ZNF274: variants seen among roughly 807,000 people sequenced by gnomAD.
The protein encoded by ZNF274 is neurotrophin receptor-interacting factor homolog.
A neutral mutation model predicts 42.5 loss-of-function variants in ZNF274; 23 were observed. That is an observed-to-expected ratio of 0.54 (90% CI 0.39 to 0.77). ZNF274 has a LOEUF of 0.77. Among genes scored for constraint, ZNF274 ranks in the 30% least tolerant of loss-of-function variants. The pLI, the probability that ZNF274 is intolerant of heterozygous loss-of-function variation, is 0.00. For synonymous variants in ZNF274, 292 were observed against 305.4 expected, an observed-to-expected ratio of 0.96 and a Z score of 0.46; for missense variants, 679 against 806.5, an observed-to-expected ratio of 0.84 and a Z score of 1.91.
intron 4 of ZNF274, among the ~76,000 whole-genome samples, chr19:58,187,604 G>A (rs577430926): frequency 6.6e-6 from 1 of 152,182 alleles, no homozygotes; most frequent in Admixed American, 6.5e-5. Flanking sequence ...TTTTTGTAGA[G>A]ACAGTGTTTC....
rs956660256 is a variant in ZNF274, at chr19:58,208,618, CT to C, written c.740-1342del. On this transcript the variant is annotated intron_variant, in intron 5 of 7. Transcript: ENST00000617501. The surrounding 1 kb of genome is among the most constrained non-coding windows in gnomAD (Gnocchi z 4.5). ...ATAAGCCAAATGTTTGGGGCAGCCT[CT>C]AGAAGCTGGAAAAGGCAAGGAATGG... is the stretch of plus-strand genomic sequence containing the variant. 6.6e-6 allele frequency: 1 copy of C among 152,214 alleles called. No individual in the cohort carries two copies. Among genetic ancestry groups the C allele is most frequent in the Non-Finnish European group, 1.5e-5 (1 of 68,060 alleles). 9.4% of individuals were successfully genotyped at this position (152,214 alleles called of 1,614,324 possible).
At position 58,197,321 on chromosome 19, in the gene ZNF274, T is replaced by G. The variant is rs564592275; in HGVS notation, c.257-9399T>G. Among the ~76,000 whole-genome samples, 106 of 152,306 alleles carry G rather than the reference T, an allele frequency of 7.0e-4. 1 individual carries two copies. Among genetic ancestry groups the G allele is most frequent in the African/African-American group, 2.5e-3 (104 of 41,562 alleles). Reference sequence around the variant, plus strand: ...CAAATGACCAGCCTTAACTCTCACCTTATGTGACAGAACGAAAAAAATATA... The same window carrying G: ...CAAATGACCAGCCTTAACTCTCACCGTATGTGACAGAACGAAAAAAATATA... On this transcript the variant is annotated intron_variant, in intron 4 of 7. Coordinates refer to ENST00000617501, the MANE Select transcript of ZNF274 (RefSeq NM_133502.3).
At chr19:58,209,323 T>C (rs1477498168) in intron 5 of ZNF274, 1 of 152,288 alleles carries the variant, frequency 6.6e-6, no homozygotes, top group African/African-American at 2.4e-5. Context: ...GCCTAAGTCA[T>C]CTTGTGGCCC....
chr19:58,185,422 A>C (rs575819013), intron 2 of ZNF274: 1 of 152,848 alleles, frequency 6.5e-6, no homozygotes, highest in African/African-American at 2.4e-5. Flanking sequence ...ACTCTGTCTC[A>C]AAACAATAAA....
At chr19:58,184,059 T>G (rs1600126829) in intron 2 of ZNF274, 61 bp downstream of exon 2, 1 of 1,542,124 alleles carries the variant, frequency 6.5e-7, no homozygotes. Context: ...ATGCGGATGG[T>G]GGTGAGATAC....
chr19:58,190,273 G>A (rs1410620200), intron 4 of ZNF274, among the ~76,000 whole-genome samples: 2 of 150,426 alleles, frequency 1.3e-5, no homozygotes, highest in Non-Finnish European at 2.9e-5. Flanking sequence ...TCAGCCTCCT[G>A]AGTAGCTGGG....
Position 58,192,796 on chromosome 19 carries a change from G to A in ZNF274, c.256+5754G>A, listed in dbSNP as rs193059035. Among the ~76,000 whole-genome samples the A allele has an allele frequency of 1.8e-4, 28 of 152,268 alleles. No individual in the cohort carries two copies. In the East Asian group the frequency reaches 4.6e-3, roughly 25 times the overall value. ...CACTCTATGTATCACCCAGGCTGAC[G>A]TGTAGTGGCATGATCATGGCTCACT... On this transcript the variant is annotated intron_variant, in intron 4 of 7. Coordinates refer to ENST00000617501, the MANE Select transcript of ZNF274 (RefSeq NM_133502.3).
chr19:58,195,016 T>TAATA (rs138373309), intron 4 of ZNF274, among the ~76,000 whole-genome samples: 111 of 148,034 alleles, frequency 7.5e-4, no homozygotes, highest in East Asian at 4.8e-3. Flanking sequence ...ATAATAATAA[T>TAATA]AATAAATAAA....
At chr19:58,183,557 C>G (rs538424723) in intron 1 of ZNF274, 115 bp downstream of exon 1, 1 of 176,070 alleles carries the variant, frequency 5.7e-6, no homozygotes, top group African/African-American at 2.4e-5. Context: ...TACCCTGAGC[C>G]GGCCGTGCCT....
intron 4 of ZNF274, among the ~76,000 whole-genome samples, chr19:58,189,931 T>C (rs2075758623): frequency 6.6e-6 from 1 of 151,854 alleles, no homozygotes; most frequent in Non-Finnish European, 1.5e-5. Flanking sequence ...GAGACCATTC[T>C]GGCCAACATG....
chr19:58,207,297 T>C lies in ZNF274; in HGVS notation c.739+95T>C. 6.8e-7 allele frequency: 1 copy of C among 1,470,996 alleles called. No individual in the cohort carries two copies. Among genetic ancestry groups the C allele is most frequent in the Non-Finnish European group, 9.0e-7 (1 of 1,108,800 alleles). The allele number at this position is 1,470,996 out of a possible 1,614,324, so 91.1% of individuals were successfully genotyped here. A position where few individuals can be genotyped will look rare whatever the true frequency, so the allele number is the denominator to read the frequency against. On this transcript the variant is annotated intron_variant, in intron 5 of 7. Coordinates refer to ENST00000617501, the MANE Select transcript of ZNF274 (RefSeq NM_133502.3). This position sits in a 1 kb window ranked among gnomAD's most constrained non-coding sequence, Gnocchi z 5.6. ...AACTCCAGGCTTCCTAGGAAGGTCA[T>C]GGGAAGGATTGTGTCCGCTCCATAC...
chr19:58,204,087 A>G (rs1429928732), intron 4 of ZNF274, among the ~76,000 whole-genome samples: 1 of 152,164 alleles, frequency 6.6e-6, no homozygotes, highest in Non-Finnish European at 1.5e-5. Flanking sequence ...TACTCGAGGA[A>G]CGGGAGAGGG....
At chr19:58,199,441 C>G (rs999852806) in intron 4 of ZNF274, among the ~76,000 whole-genome samples, 1 of 152,126 alleles carries the variant, frequency 6.6e-6, no homozygotes, top group Non-Finnish European at 1.5e-5. Flanking sequence ...GGTATGGTGG[C>G]TCACACCTGT....
intron 4 of ZNF274, among the ~76,000 whole-genome samples, chr19:58,188,694 G>GTATATGTATATGTATATGTATATGTATA (rs1221412961): frequency 1.3e-5 from 1 of 74,656 alleles, no homozygotes; most frequent in African/African-American, 5.4e-5. Flanking sequence ...ATATGTATAT[G>GTATATGTATATGTATATGTATATGTATA]TATATATATA....
chr19:58,196,079 C>T (rs2075838611), intron 4 of ZNF274, among the ~76,000 whole-genome samples: 1 of 152,172 alleles, frequency 6.6e-6, no homozygotes, highest in Non-Finnish European at 1.5e-5. Context: ...ATAGGTGGCA[C>T]TCGAATCTTC....
intron 4 of ZNF274, among the ~76,000 whole-genome samples, chr19:58,190,808 C>T (rs991229744): frequency 6.6e-6 from 1 of 152,172 alleles, no homozygotes; most frequent in African/African-American, 2.4e-5. Context: ...GTGCAAGTGG[C>T]ATCAGAACTG....
chr19:58,212,254 C>T lies in ZNF274; in HGVS notation c.1073C>T (p.Ser358Leu). ...CCCAGCCTGAAAGTACAAGAATCCT[C>T]AAGGGATTGTGCCTTGTCCTCTACA... Reference protein sequence around the residue: ...PAPSLKVQESSRDCALSSTLE... With the variant: ...PAPSLKVQESLRDCALSSTLE... Residue 358 changes from serine to leucine, a missense_variant, in exon 8 of 8, where the codon TCA becomes TTA. By Grantham distance (145) the Ser-to-Leu change is moderately radical (BLOSUM62 -2). Transcript: ENST00000617501. The surrounding 1 kb of genome is among the most constrained non-coding windows in gnomAD (Gnocchi z 4.6). 1 of 1,613,892 alleles carries T rather than the reference C, an allele frequency of 6.2e-7. No homozygotes were observed. The highest frequency in any genetic ancestry group is 1.1e-5 in the South Asian group (1 of 91,090).
At position 58,186,980 on chromosome 19, in the gene ZNF274, A is replaced by G. The variant is rs1568696393; in HGVS notation, c.194A>G (p.Gln65Arg). ...CTTTCCAAACCAGATGTGGTATCTC[A>G]GTTAGAGGAGGCAGAAGATTTCTGG... ...HQLSKPDVVS[Q>R]LEEAEDFWPV... The change falls in exon 4 of 8, where the codon CAG becomes CGG. Residue 65 changes from glutamine (Q) to arginine (R), a missense_variant. By Grantham distance (43) the Gln-to-Arg change is conservative. Coordinates refer to ENST00000617501, the MANE Select transcript of ZNF274 (RefSeq NM_133502.3). 1 of 1,613,658 alleles carries G rather than the reference A, an allele frequency of 6.2e-7. No individual in the cohort carries two copies. The highest frequency in any genetic ancestry group is 8.5e-7 in the Non-Finnish European group (1 of 1,179,728).
intron 4 of ZNF274, among the ~76,000 whole-genome samples, chr19:58,193,934 A>G (rs146542996): frequency 4.9e-4 from 74 of 151,718 alleles, no homozygotes; most frequent in African/African-American, 1.7e-3. Flanking sequence ...TCAAAAAAAT[A>G]TATCTATATC....
Sources: gnomAD v4.1 joint callset for allele counts (sites outside exome capture counted in the v4.1 genomes callset) on GRCh38, gnomAD v4.1.1 for gene constraint, Gnocchi (gnomAD v3.1) non-coding constraint, MANE v1.5 for transcripts, NCBI Gene and HGNC (gene_info 2026-07-23, HGNC 2026-07-21) for gene names.